Variants in ZC3H12B observed in about 807,000 individuals in gnomAD.
The protein encoded by ZC3H12B is probable ribonuclease ZC3H12B.
In ZC3H12B, 7 loss-of-function variants were observed where a neutral mutation model predicts 43.9. That is an observed-to-expected ratio of 0.16 (90% CI 0.09 to 0.30). The LOEUF is 0.30. Among genes scored for constraint, ZC3H12B ranks in the 10% least tolerant of loss-of-function variants. ZC3H12B has a pLI of 1.00. For missense variants in ZC3H12B, 475 were observed against 670.2 expected (o/e 0.71, Z 3.22); for synonymous variants, 222 against 241.7 (o/e 0.92, Z 0.76).
At chrX:65,096,644 A>C in the ZC3H12B span, among the ~76,000 whole-genome samples, 8 of 111,593 alleles carry the variant, frequency 7.2e-5, no homozygotes, top group African/African-American at 2.6e-4. Flanking sequence ...TGGGGCAGAG[A>C]ATCATTTTTT....
At chrX:65,153,693 C>T in the ZC3H12B span, among the ~76,000 whole-genome samples, 1 of 112,081 alleles carries the variant, frequency 8.9e-6, no homozygotes, top group Non-Finnish European at 1.9e-5. Flanking sequence ...GGATCTACAA[C>T]TAGAAATACC....
At chrX:65,041,838 G>A in the ZC3H12B span, among the ~76,000 whole-genome samples, 2 of 111,639 alleles carry the variant, frequency 1.8e-5, no homozygotes, top group South Asian at 3.7e-4. Context: ...TTTTTGTTAC[G>A]ATGCAAGAAG....
chrX:65,352,683 G>T, the ZC3H12B span, among the ~76,000 whole-genome samples: 1 of 110,563 alleles, frequency 9.0e-6, no homozygotes, highest in Admixed American at 9.6e-5. Flanking sequence ...TTTACAAATT[G>T]AAGGTTTGTA....
the ZC3H12B span, among the ~76,000 whole-genome samples, chrX:65,134,872 T>C: frequency 1.8e-5 from 2 of 110,698 alleles, no homozygotes; most frequent in African/African-American, 3.3e-5. Flanking sequence ...AAGGGAAAAT[T>C]ACAGTCAAAG....
the ZC3H12B span, among the ~76,000 whole-genome samples, chrX:65,069,162 CT>C: frequency 9.3e-6 from 1 of 108,099 alleles, no homozygotes; most frequent in Non-Finnish European, 1.9e-5. Context: ...ATAACAATAT[CT>C]TTTTTTTAGG....
chrX:65,342,579 G>A, the ZC3H12B span, among the ~76,000 whole-genome samples: 9,233 of 111,261 alleles, frequency 0.083, 1,028 homozygotes, highest in African/African-American at 0.29. Context: ...ATAACAAAAG[G>A]CAGAAATCAA....
At chrX:65,176,298 C>T in the ZC3H12B span, among the ~76,000 whole-genome samples, 1 of 111,772 alleles carries the variant, frequency 8.9e-6, no homozygotes, top group Non-Finnish European at 1.9e-5. Flanking sequence ...GTGGAGCACA[C>T]CACAGCTCCA....
the ZC3H12B span, among the ~76,000 whole-genome samples, chrX:65,229,646 G>C: frequency 9.6e-6 from 1 of 103,884 alleles, no homozygotes; most frequent in African/African-American, 3.5e-5. Flanking sequence ...CTGACAAAGG[G>C]CTAATATCCA....
At chrX:65,178,201 G>T in the ZC3H12B span, among the ~76,000 whole-genome samples, 1 of 112,238 alleles carries the variant, frequency 8.9e-6, no homozygotes, top group Non-Finnish European at 1.9e-5. Context: ...GGAAAAACTG[G>T]CTAGCCATAT....
At chrX:65,260,095 T>TA in the ZC3H12B span, among the ~76,000 whole-genome samples, 41 of 110,718 alleles carry the variant, frequency 3.7e-4, no homozygotes, top group African/African-American at 1.1e-3. Context: ...TGGCGAGGGA[T>TA]AAAAAAACTA....
intron 2 of ZC3H12B, among the ~76,000 whole-genome samples, chrX:65,380,234 G>T (rs1213955947): frequency 8.9e-6 from 1 of 112,133 alleles, no homozygotes; most frequent in Admixed American, 9.5e-5. Context: ...TCAAAGGGAA[G>T]CCCATCAGAC....
the ZC3H12B span, among the ~76,000 whole-genome samples, chrX:65,193,049 G>T: frequency 1.8e-5 from 2 of 109,969 alleles, no homozygotes; most frequent in African/African-American, 6.6e-5. Context: ...TGGGATTATA[G>T]TTGTGAGCCA....
chrX:65,102,805 G>A, the ZC3H12B span, among the ~76,000 whole-genome samples: 1 of 111,525 alleles, frequency 9.0e-6, no homozygotes, highest in Non-Finnish European at 1.9e-5. Flanking sequence ...AAAGCTGGGT[G>A]TCCAGGGGAG....
the ZC3H12B span, among the ~76,000 whole-genome samples, chrX:65,299,182 G>A: frequency 8.9e-6 from 1 of 112,001 alleles, no homozygotes; most frequent in Non-Finnish European, 1.9e-5. Flanking sequence ...AGTTCAGATG[G>A]GTTGACTAGT....
the ZC3H12B span, among the ~76,000 whole-genome samples, chrX:65,155,596 T>C: frequency 8.9e-6 from 1 of 111,872 alleles, no homozygotes; most frequent in African/African-American, 3.3e-5. Flanking sequence ...CTTATGCCTG[T>C]AATCCCAGCA....
chrX:65,120,648 C>T, the ZC3H12B span, among the ~76,000 whole-genome samples: 1 of 111,082 alleles, frequency 9.0e-6, no homozygotes, highest in East Asian at 2.9e-4. Context: ...ATTTCCTTCC[C>T]CTGCCTGATT....
exon 5 of ZC3H12B, chrX:65,502,128 C>A: frequency 2.5e-6 from 3 of 1,209,799 alleles, no homozygotes; most frequent in Non-Finnish European, 3.4e-6. Context: ...ATCCCACCCC[C>A]CAAAAGCCAT....
chrX:65,214,101 T>A, the ZC3H12B span, among the ~76,000 whole-genome samples: 2 of 111,502 alleles, frequency 1.8e-5, no homozygotes, highest in African/African-American at 6.5e-5. Flanking sequence ...CTAATGATCA[T>A]CTCAGTCTTC....
chrX:65,246,539 C>G, the ZC3H12B span, among the ~76,000 whole-genome samples: 1 of 111,952 alleles, frequency 8.9e-6, no homozygotes, highest in African/African-American at 3.3e-5. Flanking sequence ...ACCAAAACAG[C>G]CTGGTACTGG....
Sources: allele counts gnomAD v4.1 joint callset (sites outside exome capture counted in the v4.1 genomes callset), GRCh38; gene constraint gnomAD v4.1.1; transcripts MANE v1.5; gene names NCBI Gene and HGNC (gene_info 2026-07-23, HGNC 2026-07-21).